The following IL1RAPL2 variants were observed in gnomAD, a reference collection of about 807,000 sequenced individuals.
The protein encoded by IL1RAPL2 is X-linked interleukin-1 receptor accessory protein-like 2.
Under a neutral mutation model 44.1 loss-of-function variants are expected in IL1RAPL2, and 3 were observed. That is an observed-to-expected ratio of 0.07 (90% CI 0.03 to 0.18). The LOEUF is 0.18. IL1RAPL2 is among the 10% of genes least tolerant of loss of function. The pLI is 1.00. For missense variants in IL1RAPL2, 391 were observed against 496.4 expected (o/e 0.79, Z 2.02); for synonymous variants, 181 against 178.8 (o/e 1.01, Z -0.10).
At chrX:104,833,329 A>G (rs1270084575) in intron 2 of IL1RAPL2, among the ~76,000 whole-genome samples, 1 of 111,345 alleles carries the variant, frequency 9.0e-6, no homozygotes, top group Non-Finnish European at 1.9e-5. Flanking sequence ...TTTTGTAGAA[A>G]CGGGGTCTTA....
Position 105,016,659 on chromosome X carries a change from G to A in IL1RAPL2, c.83-178816G>A, listed in dbSNP as rs1014559919. On this transcript the variant is annotated intron_variant, in intron 2 of 10. Coordinates refer to ENST00000372582, the MANE Select transcript of IL1RAPL2 (RefSeq NM_017416.2). ...TGAACTAGCCTTACATCCCAGGGAT[G>A]AAGCCAACTTGATCGTGGTGGATAA... 7.1e-5 allele frequency among the ~76,000 whole-genome samples: 8 copies of A among 111,956 alleles called. No individual in the cohort carries two copies. The East Asian group carries it at 1.7e-3, about 24-fold the overall frequency.
In IL1RAPL2 at chrX:105,438,248, A is replaced by T. The variant is rs374458914; in HGVS notation, c.698-46065A>T. On this transcript the variant is annotated intron_variant, in intron 5 of 10. Transcript: ENST00000372582. ...ATGGCACAGAGGTTGATGACGTGAG[A>T]AATAATGACCTGGTTAAGTACCAGA... 1.6e-4 allele frequency among the ~76,000 whole-genome samples: 18 copies of T among 111,464 alleles called. 1 individual carries two copies. The highest frequency in any genetic ancestry group is 4.6e-3 in the Middle Eastern group (1 of 219).
At chrX:105,271,584 T>G (rs1411506497) in intron 5 of IL1RAPL2, among the ~76,000 whole-genome samples, 1 of 109,963 alleles carries the variant, frequency 9.1e-6, no homozygotes, top group African/African-American at 3.3e-5. Context: ...TGGGATAGAG[T>G]CTCTAGGGAT....
chrX:105,020,790 A>G (rs1212199592), intron 2 of IL1RAPL2, among the ~76,000 whole-genome samples: 1 of 111,232 alleles, frequency 9.0e-6, no homozygotes, highest in African/African-American at 3.3e-5. Flanking sequence ...CACACTTCTC[A>G]TGGACTTGAA....
intron 8 of IL1RAPL2, among the ~76,000 whole-genome samples, chrX:105,747,492 ATGTG>A (rs748769479): frequency 0.062 from 3,660 of 59,466 alleles, 302 homozygotes; most frequent in African/African-American, 0.23. Context: ...GTGTGTGTGT[ATGTG>A]TGTGTGTGTG....
chrX:104,957,385 GC>G (rs2029922937), intron 2 of IL1RAPL2, among the ~76,000 whole-genome samples: 1 of 111,937 alleles, frequency 8.9e-6, no homozygotes. Context: ...TGGGATCAGG[GC>G]AGGGACACCC....
intron 1 of IL1RAPL2, among the ~76,000 whole-genome samples, chrX:104,598,210 T>G (rs772125375): frequency 2.7e-5 from 3 of 112,278 alleles, no homozygotes; most frequent in African/African-American, 6.5e-5. Context: ...TAGACTTTTT[T>G]TGTGTGTGTT....
chrX:105,036,730 C>T lies in IL1RAPL2; in HGVS notation c.83-158745C>T, dbSNP rs757962378. On this transcript the variant is annotated intron_variant, in intron 2 of 10. Transcript: ENST00000372582. ...TCAAGAATTCCCCAAATTTCACGAA[C>T]GTTACAAACTATAATACTTTTATGG... is the stretch of plus-strand genomic sequence containing the variant. Among the ~76,000 whole-genome samples, 15 of 111,654 alleles carry T rather than the reference C, an allele frequency of 1.3e-4. No homozygotes were observed. In the East Asian group the frequency reaches 2.0e-3, roughly 15 times the overall value.
At chrX:104,990,044 G>C (rs746314932) in intron 2 of IL1RAPL2, among the ~76,000 whole-genome samples, 1 of 111,731 alleles carries the variant, frequency 9.0e-6, no homozygotes, top group South Asian at 3.7e-4. Flanking sequence ...TTTGACTCTT[G>C]ACTATCGTTT....
At chrX:105,445,905 G>A (rs1431871835) in intron 5 of IL1RAPL2, among the ~76,000 whole-genome samples, 2 of 111,417 alleles carry the variant, frequency 1.8e-5, no homozygotes, top group African/African-American at 6.5e-5. Flanking sequence ...TATTAGATCA[G>A]TTTGGTCTCT....
At chrX:105,643,664 C>T (rs1209616262) in intron 6 of IL1RAPL2, among the ~76,000 whole-genome samples, 2 of 111,647 alleles carry the variant, frequency 1.8e-5, no homozygotes, top group Non-Finnish European at 3.8e-5. Context: ...CAAAGTTTTA[C>T]ACAGTGTCAG....
intron 9 of IL1RAPL2, among the ~76,000 whole-genome samples, chrX:105,753,940 G>T (rs918789159): frequency 1.6e-4 from 18 of 111,880 alleles, no homozygotes; most frequent in African/African-American, 5.5e-4. Context: ...ACTCCTAAAA[G>T]AGGGTATCTA....
intron 4 of IL1RAPL2, among the ~76,000 whole-genome samples, chrX:105,265,090 G>A (rs1441499802): frequency 8.9e-6 from 1 of 111,888 alleles, no homozygotes; most frequent in Non-Finnish European, 1.9e-5. Flanking sequence ...GCAAAACAGT[G>A]AGCAGAGAAA....
intron 2 of IL1RAPL2, among the ~76,000 whole-genome samples, chrX:104,819,142 T>C (rs183587121): frequency 8.9e-6 from 1 of 112,355 alleles, no homozygotes; most frequent in African/African-American, 3.2e-5. Flanking sequence ...GGTTCCAACA[T>C]ACACAGATGC....
At chrX:105,266,786 T>C (rs573888734) in intron 4 of IL1RAPL2, among the ~76,000 whole-genome samples, 14 of 111,623 alleles carry the variant, frequency 1.3e-4, no homozygotes, top group African/African-American at 4.6e-4. Context: ...TCTAGAGAAG[T>C]CCTTAATTTT....
At position 105,514,326 on chromosome X, in the gene IL1RAPL2, G is replaced by T. The variant is rs765477672; in HGVS notation, c.772+29939G>T. 4.5e-5 allele frequency among the ~76,000 whole-genome samples: 5 copies of T among 111,360 alleles called. No individual in the cohort carries two copies. The South Asian group carries it at 1.9e-3, about 42-fold the overall frequency. ...AAGCAGCATGATCCAATGTAATCTA[G>T]ACATGGGTGGGGCATCAAGAAACTG... On this transcript the variant is annotated intron_variant, in intron 6 of 10. Coordinates refer to ENST00000372582, the MANE Select transcript of IL1RAPL2 (RefSeq NM_017416.2).
intron 2 of IL1RAPL2, among the ~76,000 whole-genome samples, chrX:105,042,869 A>T (rs1186315471): frequency 9.2e-6 from 1 of 108,218 alleles, no homozygotes; most frequent in Admixed American, 9.9e-5. Flanking sequence ...AAAATGTGGC[A>T]CATATACACC....
At chrX:105,321,822 G>A (rs951040121) in intron 5 of IL1RAPL2, among the ~76,000 whole-genome samples, 2 of 112,578 alleles carry the variant, frequency 1.8e-5, no homozygotes, top group Non-Finnish European at 3.8e-5. Context: ...GTGAGTTTTT[G>A]CACACAAATT....
At chrX:105,314,041 G>A (rs2034818164) in intron 5 of IL1RAPL2, among the ~76,000 whole-genome samples, 1 of 111,939 alleles carries the variant, frequency 8.9e-6, no homozygotes, top group Non-Finnish European at 1.9e-5. Context: ...CTGACACATT[G>A]TGCTTCCTTT....
Sources: gnomAD v4.1 joint callset for allele counts (sites outside exome capture counted in the v4.1 genomes callset) on GRCh38, gnomAD v4.1.1 for gene constraint, MANE v1.5 for transcripts, NCBI Gene and HGNC (gene_info 2026-07-23, HGNC 2026-07-21) for gene names.